Variants in MED26 observed in about 807,000 individuals in gnomAD.
MED26 encodes mediator complex subunit 26, also known as mediator of RNA polymerase II transcription subunit 26.
In MED26, 7 loss-of-function variants were observed where a neutral mutation model predicts 43.7. The observed-to-expected ratio is 0.16, with a 90% CI of 0.09 to 0.30. The LOEUF is 0.30. Among genes scored for constraint, MED26 ranks in the 10% least tolerant of loss-of-function variants. The probability of loss-of-function intolerance (pLI) is 1.00; values close to 1 mark genes in which losing one functional copy is unlikely to be tolerated. For synonymous variants in MED26, 375 were observed against 371.1 expected, an observed-to-expected ratio of 1.01 and a Z score of -0.12; for missense variants, 784 against 840.6, an observed-to-expected ratio of 0.93 and a Z score of 0.83.
chr19:16,585,142 G>A (rs190190322), intron 1 of MED26, among the ~76,000 whole-genome samples: 1 of 152,168 alleles, frequency 6.6e-6, no homozygotes, highest in South Asian at 2.1e-4. Flanking sequence ...CTGGTACTGG[G>A]CTGCTGCTTA....
chr19:16,598,577 C>G (rs954663718), intron 1 of MED26, among the ~76,000 whole-genome samples: 11 of 152,086 alleles, frequency 7.2e-5, no homozygotes, highest in Non-Finnish European at 1.5e-4. Context: ...TCCCTCCCAG[C>G]AACACAGCAA....
At chr19:16,609,831 G>A (rs1244055184) in intron 1 of MED26, among the ~76,000 whole-genome samples, 1 of 149,196 alleles carries the variant, frequency 6.7e-6, no homozygotes, top group Non-Finnish European at 1.5e-5. Flanking sequence ...TCACCTTCTT[G>A]TGCAAACAAA....
At chr19:16,624,940 T>C (rs1321555011) in intron 1 of MED26, among the ~76,000 whole-genome samples, 1 of 152,148 alleles carries the variant, frequency 6.6e-6, no homozygotes, top group Non-Finnish European at 1.5e-5. Flanking sequence ...ATAAAGCTCA[T>C]ACCTCCACAG....
chr19:16,602,380 C>G (rs1363526119), intron 1 of MED26, among the ~76,000 whole-genome samples: 2 of 152,154 alleles, frequency 1.3e-5, no homozygotes, highest in Non-Finnish European at 2.9e-5. Flanking sequence ...CATAAGCCAT[C>G]CCCACTACCC....
chr19:16,609,162 A>C (rs1044590369), intron 1 of MED26, among the ~76,000 whole-genome samples: 1 of 152,050 alleles, frequency 6.6e-6, no homozygotes, highest in African/African-American at 2.4e-5. Flanking sequence ...TAAAAATACA[A>C]AAATTAGCCG....
At chr19:16,609,351 A>G (rs914336269) in intron 1 of MED26, among the ~76,000 whole-genome samples, 3 of 150,020 alleles carry the variant, frequency 2.0e-5, no homozygotes, top group African/African-American at 7.3e-5. Flanking sequence ...AGAGAATAAG[A>G]TATTAACCAA....
chr19:16,627,759 G>T, intron 1 of MED26, 113 bp downstream of exon 1: 1 of 685,046 alleles, frequency 1.5e-6, no homozygotes, highest in Non-Finnish European at 2.1e-6. Flanking sequence ...GGCCCTCGAG[G>T]GGAGGTGGGC....
intron 1 of MED26, among the ~76,000 whole-genome samples, chr19:16,595,662 T>C (rs2086117002): frequency 6.6e-6 from 1 of 152,196 alleles, no homozygotes; most frequent in Admixed American, 6.5e-5. Flanking sequence ...CCAACAGCAA[T>C]GCTTTCCTGG....
intron 1 of MED26, chr19:16,588,501 G>A (rs557063183): frequency 6.6e-6 from 1 of 152,440 alleles, no homozygotes; most frequent in Admixed American, 6.5e-5. Flanking sequence ...CCTGATGGTT[G>A]AGCCGCGCAT....
Position 16,576,505 on chromosome 19 carries a change from G to T in MED26, c.1325C>A (p.Pro442Gln), listed in dbSNP as rs1240233461. 1.2e-6 allele frequency: 2 copies of T among 1,614,060 alleles called. No homozygotes were observed. The highest frequency in any genetic ancestry group is 2.7e-5 in the African/African-American group (2 of 74,934). The change falls in exon 3 of 3, where the codon CCA (proline) becomes CAA (glutamine). Residue 442 changes from proline to glutamine, a missense_variant. By Grantham distance (76) the Pro-to-Gln change is moderately conservative. Transcript: ENST00000263390. The surrounding 1 kb of genome is among the most constrained non-coding windows in gnomAD (Gnocchi z 6.8). ...RQIKPLTQKE[P>Q]VRADSPVHME... ...GTGCACAGGGCTGTCTGCCCGCACT[G>T]GCTCTTTCTGGGTCAGAGGTTTGAT...
intron 2 of MED26, 54 bp downstream of exon 2, chr19:16,578,272 TGGTTGGTAC>T (rs1057352368): frequency 4.8e-6 from 7 of 1,456,066 alleles, no homozygotes; most frequent in Middle Eastern, 1.8e-4. Context: ...CGGAAGGACC[TGGTTGGTAC>T]CATCCCCTGC....
intron 1 of MED26, among the ~76,000 whole-genome samples, chr19:16,623,097 A>T (rs905899515): frequency 2.0e-5 from 3 of 152,184 alleles, no homozygotes; most frequent in Non-Finnish European, 4.4e-5. Flanking sequence ...TCCAACCAGG[A>T]CAACATATTC....
chr19:16,599,099 C>G (rs922196112), intron 1 of MED26, among the ~76,000 whole-genome samples: 1 of 152,192 alleles, frequency 6.6e-6, no homozygotes, highest in Non-Finnish European at 1.5e-5. Context: ...GGGGAAGAGA[C>G]TGCTGTCAGG....
intron 1 of MED26, among the ~76,000 whole-genome samples, chr19:16,591,074 A>C (rs1377224986): frequency 1.3e-5 from 2 of 150,764 alleles, no homozygotes; most frequent in Non-Finnish European, 3.0e-5. Context: ...TAAATAAATA[A>C]ATAAATAAAT....
chr19:16,611,072 T>G (rs1445094778), intron 1 of MED26: 1 of 152,256 alleles, frequency 6.6e-6, no homozygotes, highest in Non-Finnish European at 1.5e-5. Context: ...TGTCATCTGC[T>G]TATCGGTATG....
chr19:16,615,581 T>C (rs767791277), intron 1 of MED26, among the ~76,000 whole-genome samples: 17 of 152,040 alleles, frequency 1.1e-4, no homozygotes, highest in Non-Finnish European at 1.6e-4. Context: ...ACCCTGTTTC[T>C]ACTAAAAATA....
chr19:16,577,547 G>A lies in MED26; in HGVS notation c.283C>T (p.Arg95Trp), dbSNP rs1490523644. The A allele has an allele frequency of 5.6e-6, 9 of 1,607,584 alleles. No individual in the cohort carries two copies. The highest frequency in any genetic ancestry group is 1.1e-5 in the South Asian group (1 of 90,928). ...GAGCCGGTGGCCCCCGCCAGCCCCC[G>A]CAGCGCCGCCTCATGCTGGTGTGCC... ...EPAHQHEAAL[R>W]GLAGATGSAN... The change falls in exon 3 of 3, where the codon CGG (arginine) becomes TGG (tryptophan). Residue 95 changes from arginine to tryptophan, a missense_variant. Transcript: ENST00000263390. The surrounding 1 kb of genome is among the most constrained non-coding windows in gnomAD (Gnocchi z 8.1).
chr19:16,598,550 T>G (rs1455152720), intron 1 of MED26, among the ~76,000 whole-genome samples: 3 of 152,018 alleles, frequency 2.0e-5, no homozygotes, highest in African/African-American at 7.2e-5. Context: ...ACTGCCCCAC[T>G]TGGCATCCAG....
chr19:16,619,063 C>T (rs1378582281), intron 1 of MED26, among the ~76,000 whole-genome samples: 1 of 152,234 alleles, frequency 6.6e-6, no homozygotes, highest in Non-Finnish European at 1.5e-5. Flanking sequence ...CAGCACAGTG[C>T]TAACCTCCCT....
Sources: allele counts gnomAD v4.1 joint callset (sites outside exome capture counted in the v4.1 genomes callset), GRCh38; gene constraint gnomAD v4.1.1; non-coding constraint Gnocchi (gnomAD v3.1); transcripts MANE v1.5; gene names NCBI Gene and HGNC (gene_info 2026-07-23, HGNC 2026-07-21).